CLPB: variants seen among roughly 807,000 people sequenced by gnomAD.
CLPB encodes mitochondrial disaggregase.
In CLPB, 40 loss-of-function variants were observed where a neutral mutation model predicts 78.4. The observed-to-expected ratio is 0.51, with a 90% CI of 0.40 to 0.66. The LOEUF is 0.66. CLPB is among the 30% of genes least tolerant of loss of function. The pLI is 0.00. For missense variants in CLPB, 780 were observed against 886.9 expected, an observed-to-expected ratio of 0.88 and a Z score of 1.53; for synonymous variants, 333 against 348.0, an observed-to-expected ratio of 0.96 and a Z score of 0.48.
At chr11:72,354,389 C>T (rs1039773486) in intron 5 of CLPB, 3 of 397,976 alleles carry the variant, frequency 7.5e-6, no homozygotes, top group African/African-American at 2.1e-5. Flanking sequence ...TCTGGAGGAA[C>T]CTTGGTCAAG....
At chr11:72,305,377 T>C (rs553515122) in intron 9 of CLPB, among the ~76,000 whole-genome samples, 1 of 152,296 alleles carries the variant, frequency 6.6e-6, no homozygotes, top group East Asian at 1.9e-4. Flanking sequence ...CTATGGTAAG[T>C]AGGAAGTGAC....
chr11:72,329,804 C>G lies in CLPB; in HGVS notation c.776G>C (p.Gly259Ala). The G allele has an allele frequency of 6.2e-7, 1 of 1,612,234 alleles. No homozygotes were observed. The highest frequency in any genetic ancestry group is 8.5e-7 in the Non-Finnish European group (1 of 1,178,644). Reference protein sequence around the residue: ...YRTVKELLDGGANPLQRNEMG... With the variant: ...YRTVKELLDGAANPLQRNEMG... The stretch of plus-strand genomic sequence containing the variant: ...TTCATTCCTCTGCAGGGGGTTGGCT[C>G]CTGGCAAGAGAAGAAGGATAAACAG... Residue 259 changes from glycine to alanine, a missense_variant and splice_region_variant, in exon 6 of 16, where the codon GGA becomes GCA. Physicochemically the swap from Gly to Ala is moderately conservative, Grantham distance 60 (BLOSUM62 0). This residue lies in a region of CLPB where 417 missense variants were observed against 414.7 expected (regional missense o/e 1.01). Coordinates refer to ENST00000538039, the MANE Select transcript of CLPB (RefSeq NM_001258392.3).
chr11:72,362,146 C>T (rs1950851788), intron 4 of CLPB, among the ~76,000 whole-genome samples: 1 of 152,224 alleles, frequency 6.6e-6, no homozygotes, highest in African/African-American at 2.4e-5. Flanking sequence ...ACATCTTCCC[C>T]TCTCCCATGC....
At chr11:72,375,751 T>C (rs951840582) in intron 4 of CLPB, among the ~76,000 whole-genome samples, 1 of 152,224 alleles carries the variant, frequency 6.6e-6, no homozygotes, top group African/African-American at 2.4e-5. Context: ...TGTATAATCA[T>C]TTATATAATC....
intron 5 of CLPB, among the ~76,000 whole-genome samples, chr11:72,347,728 C>T (rs1950541857): frequency 6.6e-6 from 1 of 152,266 alleles, no homozygotes; most frequent in Middle Eastern, 3.4e-3. Context: ...AACCCTGGAA[C>T]CTGTGAATAT....
chr11:72,333,933 C>T (rs989283073), intron 5 of CLPB, among the ~76,000 whole-genome samples: 1 of 135,496 alleles, frequency 7.4e-6, no homozygotes, highest in African/African-American at 2.5e-5. Context: ...TCAAGGGGAG[C>T]TCTGTCACTA....
intron 4 of CLPB, among the ~76,000 whole-genome samples, chr11:72,360,646 AG>A (rs1411743583): frequency 6.6e-6 from 1 of 152,112 alleles, no homozygotes; most frequent in Non-Finnish European, 1.5e-5. Context: ...CATGTTGGCC[AG>A]GCTGGTCTCA....
chr11:72,371,910 G>A (rs1951049512), intron 4 of CLPB, among the ~76,000 whole-genome samples: 2 of 152,088 alleles, frequency 1.3e-5, no homozygotes, highest in South Asian at 4.1e-4. Context: ...CCTCTGACTG[G>A]ACCCTTTGTC....
intron 5 of CLPB, among the ~76,000 whole-genome samples, chr11:72,358,109 G>C (rs183265352): frequency 3.0e-4 from 46 of 152,318 alleles, no homozygotes; most frequent in Non-Finnish European, 6.6e-4. Context: ...TGTCTGGCAG[G>C]TAGCACTACC....
intron 4 of CLPB, among the ~76,000 whole-genome samples, chr11:72,365,711 C>T (rs747561023): frequency 7.2e-5 from 11 of 152,160 alleles, no homozygotes; most frequent in Non-Finnish European, 1.0e-4. Flanking sequence ...AAAACAGACA[C>T]ATAGACCAAT....
At chr11:72,415,359 T>C (rs1017266870) in intron 2 of CLPB, among the ~76,000 whole-genome samples, 3 of 152,128 alleles carry the variant, frequency 2.0e-5, no homozygotes, top group Non-Finnish European at 4.4e-5. Flanking sequence ...CAGCACACCA[T>C]AGTTGTCTGA....
intron 5 of CLPB, chr11:72,354,309 AT>A: frequency 2.5e-6 from 1 of 395,426 alleles, no homozygotes; most frequent in Non-Finnish European, 4.5e-6. Context: ...AGCTAGTACC[AT>A]TTTAGATTCC....
chr11:72,427,946 C>G (rs1856435904), intron 2 of CLPB, among the ~76,000 whole-genome samples: 1 of 152,178 alleles, frequency 6.6e-6, no homozygotes, highest in Admixed American at 6.5e-5. Flanking sequence ...TGTACAGAGT[C>G]TAGGGTACAG....
At chr11:72,338,450 C>T (rs894391423) in intron 5 of CLPB, among the ~76,000 whole-genome samples, 2 of 152,196 alleles carry the variant, frequency 1.3e-5, no homozygotes, top group Admixed American at 6.5e-5. Flanking sequence ...GGGCTCTTTC[C>T]ACCTACACTG....
At chr11:72,395,644 G>A (rs1380655277) in intron 3 of CLPB, among the ~76,000 whole-genome samples, 1 of 152,218 alleles carries the variant, frequency 6.6e-6, no homozygotes, top group East Asian at 1.9e-4. Context: ...AGATCACACA[G>A]CACAAAGCCC....
intron 5 of CLPB, among the ~76,000 whole-genome samples, chr11:72,350,838 G>A (rs1254961907): frequency 1.3e-5 from 2 of 152,120 alleles, no homozygotes; most frequent in Non-Finnish European, 2.9e-5. Context: ...TAGCTTTACT[G>A]AGATGTAATT....
At chr11:72,404,491 C>T (rs1300986179) in intron 2 of CLPB, among the ~76,000 whole-genome samples, 1 of 152,212 alleles carries the variant, frequency 6.6e-6, no homozygotes, top group Non-Finnish European at 1.5e-5. Context: ...TGTACTAAGG[C>T]TTCTCTCAAA....
rs116146101 is a variant in CLPB, at chr11:72,426,598, T to C, written c.455+3714A>G. Among the ~76,000 whole-genome samples, 396 of 152,222 alleles carry C rather than the reference T, an allele frequency of 2.6e-3. 2 individuals carry two copies. Among genetic ancestry groups the C allele is most frequent in the African/African-American group, 9.1e-3 (377 of 41,520 alleles). ...GGAAAGAGAAGAGACCTGGCCTCCC[T>C]CTGATATAGCCAAGGGGAGTGTGAA... On this transcript the variant is annotated intron_variant, in intron 2 of 15. Transcript: ENST00000538039.
chr11:72,303,452 C>CT (rs1358673113), intron 9 of CLPB, among the ~76,000 whole-genome samples: 1 of 152,202 alleles, frequency 6.6e-6, no homozygotes, highest in African/African-American at 2.4e-5. Flanking sequence ...GAACCCTGGG[C>CT]TGGGAGCCAG....
Sources: gnomAD v4.1 joint callset for allele counts (sites outside exome capture counted in the v4.1 genomes callset) on GRCh38, gnomAD v4.1.1 for gene constraint, gnomAD v4.1.1 regional missense constraint, MANE v1.5 for transcripts, NCBI Gene and HGNC (gene_info 2026-07-23, HGNC 2026-07-21) for gene names.